The following TRIM5 variants were observed in gnomAD, a reference collection of about 807,000 sequenced individuals.
TRIM5 encodes the protein tripartite motif containing 5.
A neutral mutation model predicts 35.6 loss-of-function variants in TRIM5; 31 were observed. The observed-to-expected ratio is 0.87, with a 90% CI of 0.65 to 1.18. The LOEUF is 1.18. Ranked by LOEUF, TRIM5 falls within the 50% of genes most tolerant of loss-of-function variation. The pLI is 0.00. For synonymous variants in TRIM5, 243 were observed against 215.6 expected (o/e 1.13, Z -1.11); for missense variants, 609 against 591.6 (o/e 1.03, Z -0.31).
intron 1 of TRIM5, among the ~76,000 whole-genome samples, chr11:5,681,995 C>CA (rs984413934): frequency 3.9e-5 from 6 of 152,112 alleles, no homozygotes; most frequent in South Asian, 2.1e-4. Flanking sequence ...GATGGGGTTT[C>CA]ACCATATTGG....
the TRIM5 span, chr11:5,643,065 A>T: frequency 3.1e-6 from 4 of 1,283,354 alleles, no homozygotes; most frequent in Non-Finnish European, 4.1e-6. Context: ...AACCTACTCC[A>T]TATCTGTCAC....
At chr11:5,682,995 G>C (rs1056876226) in intron 1 of TRIM5, among the ~76,000 whole-genome samples, 47 of 152,220 alleles carry the variant, frequency 3.1e-4, no homozygotes, top group African/African-American at 1.1e-3. Context: ...TTGTGGGCCA[G>C]CTGGAGTTCC....
At chr11:5,641,636 AG>A in the TRIM5 span, among the ~76,000 whole-genome samples, 1 of 152,142 alleles carries the variant, frequency 6.6e-6, no homozygotes, top group Non-Finnish European at 1.5e-5. Context: ...TCATTATGCA[AG>A]GTTCTCTTTA....
At chr11:5,674,073 C>A (rs1354312008) in intron 4 of TRIM5, among the ~76,000 whole-genome samples, 1 of 151,778 alleles carries the variant, frequency 6.6e-6, no homozygotes, top group East Asian at 1.9e-4. Flanking sequence ...AAGATAAAAT[C>A]AATGCAGCAA....
At chr11:5,659,966 T>C (rs1211516793), downstream of TRIM5, among the ~76,000 whole-genome samples, 1 of 152,156 alleles carries the variant, frequency 6.6e-6, no homozygotes, top group Non-Finnish European at 1.5e-5. Context: ...CTAGTTGCTA[T>C]GGCAGGCACA....
At chr11:5,650,876 G>A in the TRIM5 span, among the ~76,000 whole-genome samples, 1 of 152,212 alleles carries the variant, frequency 6.6e-6, no homozygotes, top group African/African-American at 2.4e-5. Context: ...AGCACCTACA[G>A]GGTCCTGCCA....
At chr11:5,682,954 G>C (rs889524249) in intron 1 of TRIM5, among the ~76,000 whole-genome samples, 4 of 152,236 alleles carry the variant, frequency 2.6e-5, no homozygotes, top group African/African-American at 7.2e-5. Context: ...GAGGGAGAGG[G>C]GCGAGCGGGA....
chr11:5,672,252 C>A, intron 4 of TRIM5, among the ~76,000 whole-genome samples: 1 of 152,054 alleles, frequency 6.6e-6, no homozygotes, highest in Non-Finnish European at 1.5e-5. Context: ...GACTCTGTTG[C>A]CCAGGCTGCA....
chr11:5,669,080 C>CTT lies in TRIM5; in HGVS notation c.745-1371_745-1370dup, dbSNP rs34310528. Among the ~76,000 whole-genome samples the CTT allele has an allele frequency of 4.2e-3, 557 of 133,160 alleles. 11 individuals carry two copies. The highest frequency in any genetic ancestry group is 0.013 in the African/African-American group (466 of 35,030). 87.4% of individuals were successfully genotyped at this position (133,160 alleles called of 152,430 possible). A position where few individuals can be genotyped will look rare whatever the true frequency, so the allele number is the denominator to read the frequency against. On this transcript the variant is annotated intron_variant, in intron 4 of 7. Coordinates refer to ENST00000380034, the MANE Select transcript of TRIM5 (RefSeq NM_033034.3). ...CTAACAGGACAGTTTGGTCTACATT[C>CTT]TTTTTTTTTTTTTTTTTTGATACGG...
the TRIM5 span, among the ~76,000 whole-genome samples, chr11:5,607,397 A>G: frequency 2.6e-5 from 4 of 152,284 alleles, no homozygotes; most frequent in Middle Eastern, 3.4e-3. Flanking sequence ...ACCACATTCT[A>G]TGTTCAAGCC....
chr11:5,643,574 C>G, the TRIM5 span: 1 of 1,614,170 alleles, frequency 6.2e-7, no homozygotes, highest in Non-Finnish European at 8.5e-7. Flanking sequence ...CAGGCATTGT[C>G]TCATTTTTCA....
the TRIM5 span, among the ~76,000 whole-genome samples, chr11:5,592,908 T>C: frequency 1.7e-4 from 21 of 121,478 alleles, no homozygotes; most frequent in Admixed American, 1.9e-3. Context: ...CAGAGTGAGA[T>C]TGTCTCAAAA....
the TRIM5 span, among the ~76,000 whole-genome samples, chr11:5,646,679 C>G: frequency 0.13 from 19,070 of 152,132 alleles, 1,564 homozygotes; most frequent in East Asian, 0.38. Flanking sequence ...GACTTTGTAA[C>G]CCTTGGACAC....
At chr11:5,613,157 C>A in the TRIM5 span, among the ~76,000 whole-genome samples, 1 of 152,192 alleles carries the variant, frequency 6.6e-6, no homozygotes, top group Non-Finnish European at 1.5e-5. Flanking sequence ...GAACCTGCAC[C>A]TTCCCAGCTG....
the TRIM5 span, among the ~76,000 whole-genome samples, chr11:5,616,651 G>A: frequency 1.4e-5 from 2 of 144,662 alleles, no homozygotes; most frequent in African/African-American, 5.0e-5. Flanking sequence ...GGGTTTTAGG[G>A]TTCCAAGATT....
chr11:5,605,371 C>T, the TRIM5 span: 2 of 1,614,152 alleles, frequency 1.2e-6, no homozygotes, highest in South Asian at 2.2e-5. Flanking sequence ...AGGATCCAGA[C>T]AGAGTTTAAT....
the TRIM5 span, among the ~76,000 whole-genome samples, chr11:5,647,817 G>A: frequency 4.6e-5 from 7 of 152,030 alleles, no homozygotes; most frequent in East Asian, 3.9e-4. Flanking sequence ...CACCACGCCC[G>A]GCTGAGACAC....
rs1389000983 is a variant in TRIM5, at chr11:5,674,940, T to A, written c.744+3264A>T. The stretch of plus-strand genomic sequence containing the variant: ...TGGTAAAAGGACACCAACTTCAGAA[T>A]GAAAAGATGACTATCTTCAAGAGAT... On this transcript the variant is annotated intron_variant, in intron 4 of 7. Coordinates refer to ENST00000380034, the MANE Select transcript of TRIM5 (RefSeq NM_033034.3). Among the ~76,000 whole-genome samples the A allele has an allele frequency of 3.3e-5, 5 of 152,198 alleles. No individual in the cohort carries two copies. The East Asian group carries it at 9.6e-4, about 29-fold the overall frequency.
Position 5,667,715 on chromosome 11 carries a change from G to C in TRIM5, c.745-4C>G. On this transcript the variant is annotated splice_region_variant and splice_polypyrimidine_tract_variant and intron_variant, in intron 4 of 7. Coordinates refer to ENST00000380034, the MANE Select transcript of TRIM5 (RefSeq NM_033034.3). Reference sequence around the variant, plus strand: ...TTTTTATGACGCCATCCACACCCTAGGAAGAAGAGAGAAAACATCAATTAA... The same window carrying C: ...TTTTTATGACGCCATCCACACCCTACGAAGAAGAGAGAAAACATCAATTAA... 6.2e-7 allele frequency: 1 copy of C among 1,613,126 alleles called. No homozygotes were observed. The highest frequency in any genetic ancestry group is 8.5e-7 in the Non-Finnish European group (1 of 1,179,732).
Sources: gnomAD v4.1 joint callset for allele counts (sites outside exome capture counted in the v4.1 genomes callset) on GRCh38, gnomAD v4.1.1 for gene constraint, MANE v1.5 for transcripts, NCBI Gene and HGNC (gene_info 2026-07-23, HGNC 2026-07-21) for gene names.